Variants in CHLSN observed in about 807,000 individuals in gnomAD.
CHLSN encodes cholesin, also known as protein cholesin.
At chr7:1,047,005 A>G in the CHLSN span, among the ~76,000 whole-genome samples, 2 of 152,226 alleles carry the variant, frequency 1.3e-5, no homozygotes, top group Non-Finnish European at 2.9e-5. Context: ...CAGAGTCTGC[A>G]GTAGAGACTC....
At chr7:1,024,342 T>C in the CHLSN span, among the ~76,000 whole-genome samples, 1 of 152,094 alleles carries the variant, frequency 6.6e-6, no homozygotes, top group Non-Finnish European at 1.5e-5. Flanking sequence ...GCCCTGCCCG[T>C]GGGCTTCCTA....
the CHLSN span, among the ~76,000 whole-genome samples, chr7:1,095,667 C>T: frequency 1.3e-5 from 2 of 152,238 alleles, no homozygotes; most frequent in Non-Finnish European, 2.9e-5. Flanking sequence ...ACAGCAGCCC[C>T]GTGGGGTAAG....
At chr7:1,134,523 C>G in the CHLSN span, among the ~76,000 whole-genome samples, 4 of 151,340 alleles carry the variant, frequency 2.6e-5, no homozygotes, top group South Asian at 8.4e-4. Context: ...GAGCCGAGAT[C>G]GCGCCACTGC....
At chr7:984,892 C>T in the CHLSN span, 2 of 1,527,836 alleles carry the variant, frequency 1.3e-6, no homozygotes, top group Non-Finnish European at 1.7e-6. Context: ...GCCCACTTGC[C>T]TGGCGGGGCT....
At chr7:1,102,694 T>C in the CHLSN span, among the ~76,000 whole-genome samples, 6 of 152,274 alleles carry the variant, frequency 3.9e-5, no homozygotes, top group African/African-American at 1.4e-4. Context: ...CCCACTGAAC[T>C]GTGATCCTGC....
the CHLSN span, chr7:1,055,391 C>T: frequency 2.1e-6 from 1 of 470,314 alleles, no homozygotes; most frequent in Non-Finnish European, 4.4e-6. Flanking sequence ...CAGGTCCTCA[C>T]CAGAGCTCTG....
the CHLSN span, among the ~76,000 whole-genome samples, chr7:1,011,808 G>A: frequency 6.6e-6 from 1 of 152,256 alleles, no homozygotes; most frequent in Admixed American, 6.5e-5. Context: ...CGCAGCAAGA[G>A]ACAGGGCCTG....
the CHLSN span, chr7:987,125 C>A: frequency 4.5e-6 from 7 of 1,565,404 alleles, no homozygotes; most frequent in African/African-American, 1.4e-5. Context: ...CCCCGAGGGC[C>A]TGTTTGCTGA....
At chr7:1,050,704 T>G in the CHLSN span, among the ~76,000 whole-genome samples, 1 of 152,166 alleles carries the variant, frequency 6.6e-6, no homozygotes, top group African/African-American at 2.4e-5. Flanking sequence ...GCACGGGGTC[T>G]TGGAAGAAAA....
At chr7:1,131,855 C>G in the CHLSN span, among the ~76,000 whole-genome samples, 1 of 152,084 alleles carries the variant, frequency 6.6e-6, no homozygotes, top group East Asian at 1.9e-4. Context: ...TTTAATAGTT[C>G]TAAGGGAAAG....
chr7:1,020,612 A>G, the CHLSN span, among the ~76,000 whole-genome samples: 2 of 152,306 alleles, frequency 1.3e-5, no homozygotes, highest in East Asian at 3.9e-4. Flanking sequence ...TAAGACCAAG[A>G]TGATGTAAGG....
chr7:985,090 G>A, the CHLSN span: 14 of 1,612,030 alleles, frequency 8.7e-6, no homozygotes, highest in African/African-American at 1.3e-5. Flanking sequence ...GCAGCTGGAT[G>A]GCTACAGAGG....
At chr7:1,135,947 AAATATATAT>A in the CHLSN span, among the ~76,000 whole-genome samples, 3 of 125,170 alleles carry the variant, frequency 2.4e-5, no homozygotes, top group African/African-American at 9.9e-5. Context: ...AAGTATATAT[AAATATATAT>A]AAATATATAT....
chr7:1,081,682 C>G, the CHLSN span, among the ~76,000 whole-genome samples: 2 of 139,402 alleles, frequency 1.4e-5, no homozygotes, highest in Non-Finnish European at 3.2e-5. Context: ...CTGGAAGCCC[C>G]GACCCAGACA....
At chr7:1,002,668 C>G in the CHLSN span, among the ~76,000 whole-genome samples, 2 of 44,338 alleles carry the variant, frequency 4.5e-5, no homozygotes, top group African/African-American at 2.2e-4. Context: ...TGGAGTCCTG[C>G]GGGTGAGTGG....
At chr7:1,059,850 C>T in the CHLSN span, among the ~76,000 whole-genome samples, 11 of 17,396 alleles carry the variant, frequency 6.3e-4, no homozygotes, top group Admixed American at 8.2e-4. Flanking sequence ...GAGGCGGGTC[C>T]GTAGTGGGGC....
the CHLSN span, chr7:1,092,330 C>T: frequency 6.2e-7 from 1 of 1,611,384 alleles, no homozygotes; most frequent in South Asian, 1.1e-5. Flanking sequence ...CTGCAGCACA[C>T]CGACGAGGCC....
chr7:978,313 T>A, the CHLSN span, among the ~76,000 whole-genome samples: 1 of 151,876 alleles, frequency 6.6e-6, no homozygotes, highest in African/African-American at 2.4e-5. Flanking sequence ...AGCCCAGGAG[T>A]TTGAGACCAG....
At chr7:1,012,378 G>A in the CHLSN span, among the ~76,000 whole-genome samples, 27 of 152,362 alleles carry the variant, frequency 1.8e-4, no homozygotes, top group East Asian at 1.5e-3. Context: ...GGTGGATGGC[G>A]AGGGGAACCC....
Sources: allele counts gnomAD v4.1 joint callset (sites outside exome capture counted in the v4.1 genomes callset), GRCh38; gene constraint gnomAD v4.1.1; transcripts MANE v1.5; gene names NCBI Gene and HGNC (gene_info 2026-07-23, HGNC 2026-07-21).